Variants in VAT1L observed in about 807,000 individuals in gnomAD.
VAT1L encodes the protein putative NADPH-dependent quinone oxidoreductase VAT1L.
A neutral mutation model predicts 44.1 loss-of-function variants in VAT1L; 34 were observed. That is an observed-to-expected ratio of 0.77 (90% confidence interval 0.59 to 1.03). The LOEUF is 1.03. Ranked by LOEUF, VAT1L falls within the 50% of genes least tolerant of loss-of-function variation. The pLI, the probability that VAT1L is intolerant of heterozygous loss-of-function variation, is 0.00. For synonymous variants in VAT1L, 253 were observed against 202.2 expected (o/e 1.25, Z -2.13); for missense variants, 615 against 538.8 (o/e 1.14, Z -1.40).
chr16:77,857,159 G>A (rs185106460), intron 3 of VAT1L, among the ~76,000 whole-genome samples: 76 of 152,218 alleles, frequency 5.0e-4, no homozygotes, highest in African/African-American at 1.8e-3. Flanking sequence ...AAAAACAAGC[G>A]CATGCAAATC....
intron 7 of VAT1L, among the ~76,000 whole-genome samples, chr16:77,925,645 A>G (rs919548584): frequency 1.1e-4 from 17 of 152,204 alleles, no homozygotes; most frequent in Non-Finnish European, 1.3e-4. Flanking sequence ...CTGTTTTTAC[A>G]GTTTCCCTTC....
intron 7 of VAT1L, among the ~76,000 whole-genome samples, chr16:77,963,184 C>T (rs1206513907): frequency 2.0e-5 from 3 of 152,216 alleles, no homozygotes; most frequent in African/African-American, 7.2e-5. Flanking sequence ...TGCCCACATC[C>T]TCATCCCCAG....
intron 3 of VAT1L, among the ~76,000 whole-genome samples, chr16:77,854,975 A>G (rs1477594999): frequency 6.6e-6 from 1 of 152,170 alleles, no homozygotes; most frequent in Non-Finnish European, 1.5e-5. Flanking sequence ...CAGCTAAATA[A>G]CTAGTCAATG....
chr16:77,834,832 A>C (rs959257082), intron 3 of VAT1L, among the ~76,000 whole-genome samples: 1 of 152,236 alleles, frequency 6.6e-6, no homozygotes, highest in East Asian at 1.9e-4. Context: ...GAGTCAGTCT[A>C]TGTCCAAAGC....
chr16:77,958,043 G>T lies in VAT1L; in HGVS notation c.1078-13807G>T, dbSNP rs373621855. ...CTTCTTCTGCCTTCCAAGTAGCTGG[G>T]ACTACAGGCATGTGCTACCAGTCCT... On this transcript the variant is annotated intron_variant, in intron 7 of 8. Transcript: ENST00000302536. Among the ~76,000 whole-genome samples, 117 of 152,114 alleles carry T rather than the reference G, an allele frequency of 7.7e-4. 1 individual carries two copies. The highest frequency in any genetic ancestry group is 2.7e-3 in the African/African-American group (114 of 41,540).
chr16:77,798,290 T>C (rs2015974953), intron 1 of VAT1L, among the ~76,000 whole-genome samples: 1 of 152,236 alleles, frequency 6.6e-6, no homozygotes, highest in African/African-American at 2.4e-5. Context: ...TGAGAGGCAG[T>C]AGGCTTCTTG....
chr16:77,889,784 A>C (rs977312082), intron 7 of VAT1L, among the ~76,000 whole-genome samples: 2 of 152,206 alleles, frequency 1.3e-5, no homozygotes, highest in African/African-American at 4.8e-5. Flanking sequence ...ACAAGAGAGA[A>C]CAATGTTAAG....
intron 7 of VAT1L, among the ~76,000 whole-genome samples, chr16:77,964,394 A>G (rs965010958): frequency 6.6e-6 from 1 of 152,160 alleles, no homozygotes; most frequent in Non-Finnish European, 1.5e-5. Context: ...TTTAGCTTCC[A>G]GAGGCCACGT....
intron 1 of VAT1L, among the ~76,000 whole-genome samples, chr16:77,805,718 C>T (rs1002835551): frequency 2.6e-5 from 4 of 151,974 alleles, no homozygotes; most frequent in Non-Finnish European, 5.9e-5. Context: ...GCCTGCCTCT[C>T]CGCCAGTGTC....
chr16:77,905,942 C>T (rs1457880489), intron 7 of VAT1L, among the ~76,000 whole-genome samples: 1 of 152,120 alleles, frequency 6.6e-6, no homozygotes, highest in African/African-American at 2.4e-5. Flanking sequence ...TTTTCCTTGA[C>T]TAATTTTTTT....
chr16:77,965,577 C>A (rs2142539128), intron 7 of VAT1L, among the ~76,000 whole-genome samples: 1 of 152,302 alleles, frequency 6.6e-6, no homozygotes, highest in South Asian at 2.1e-4. Context: ...AGAATCCCAG[C>A]CCTGGAAAAT....
chr16:77,853,867 G>A (rs11647853), intron 3 of VAT1L, among the ~76,000 whole-genome samples: 8,894 of 152,088 alleles, frequency 0.058, 344 homozygotes, highest in African/African-American at 0.1. Context: ...GAGGCCGGGC[G>A]CCGTGACTCA....
At chr16:77,957,018 T>A (rs2018111244) in intron 7 of VAT1L, among the ~76,000 whole-genome samples, 1 of 152,208 alleles carries the variant, frequency 6.6e-6, no homozygotes, top group Non-Finnish European at 1.5e-5. Flanking sequence ...AATGATCACC[T>A]CTGACTTCTA....
chr16:77,843,086 G>C (rs2016722916), intron 3 of VAT1L, among the ~76,000 whole-genome samples: 1 of 152,202 alleles, frequency 6.6e-6, no homozygotes, highest in African/African-American at 2.4e-5. Context: ...TTCACACTCA[G>C]ATAGGTCCTT....
intron 7 of VAT1L, among the ~76,000 whole-genome samples, chr16:77,897,350 G>T (rs112043804): frequency 6.6e-6 from 1 of 152,190 alleles, no homozygotes; most frequent in Non-Finnish European, 1.5e-5. Flanking sequence ...AATCAACTGA[G>T]TCCATATGTG....
intron 6 of VAT1L, among the ~76,000 whole-genome samples, chr16:77,880,937 T>A (rs1292979714): frequency 6.6e-6 from 1 of 152,218 alleles, no homozygotes; most frequent in African/African-American, 2.4e-5. Flanking sequence ...TCCATTCTTT[T>A]TTATGACTGC....
chr16:77,805,865 C>CTTTTTTTTTTT lies in VAT1L; in HGVS notation c.234-11051_234-11041dup, dbSNP rs10689119. Among the ~76,000 whole-genome samples the CTTTTTTTTTTT allele has an allele frequency of 4.0e-3, 314 of 78,792 alleles. 73 individuals carry two copies. The highest frequency in any genetic ancestry group is 5.8e-3 in the Non-Finnish European group (207 of 35,782). The allele number at this position is 78,792 out of a possible 152,430, so 51.7% of individuals were successfully genotyped here. On this transcript the variant is annotated intron_variant, in intron 1 of 8. Coordinates refer to ENST00000302536, the MANE Select transcript of VAT1L (RefSeq NM_020927.3). ...GTGTTATTTTTTCCTTAGTCTCTGC[C>CTTTTTTTTTTT]TTTTTTTTTTTTTTTGAGATGGAGT...
At chr16:77,971,097 C>T (rs2018273569) in intron 7 of VAT1L, among the ~76,000 whole-genome samples, 1 of 152,104 alleles carries the variant, frequency 6.6e-6, no homozygotes, top group Admixed American at 6.5e-5. Context: ...AAGCACCAAG[C>T]TCCATGTTGC....
Position 77,788,627 on chromosome 16 carries a change from C to A in VAT1L, c.-56C>A. The A allele has an allele frequency of 6.5e-7, 1 of 1,535,072 alleles. No homozygotes were observed. The highest frequency in any genetic ancestry group is 8.8e-7 in the Non-Finnish European group (1 of 1,138,766). On this transcript the variant is annotated 5_prime_UTR_variant, in exon 1 of 9. Coordinates refer to ENST00000302536, the MANE Select transcript of VAT1L (RefSeq NM_020927.3). ...CCGCGGGAGAGGAGCCCCACTCCCCCAGCGCCGCAGCCACCGCAGCCACCG... is the reference window on the plus strand; with the variant it reads ...CCGCGGGAGAGGAGCCCCACTCCCCAAGCGCCGCAGCCACCGCAGCCACCG...
Sources: gnomAD v4.1 joint callset for allele counts (sites outside exome capture counted in the v4.1 genomes callset) on GRCh38, gnomAD v4.1.1 for gene constraint, MANE v1.5 for transcripts, NCBI Gene and HGNC (gene_info 2026-07-23, HGNC 2026-07-21) for gene names.